The following DCX variants were observed in gnomAD, a reference collection of about 807,000 sequenced individuals.
The protein encoded by DCX is doublecortin.
Under a neutral mutation model 20.9 loss-of-function variants are expected in DCX, and 4 were observed. The observed-to-expected ratio is 0.19, with a 90% CI of 0.09 to 0.44. The LOEUF is 0.44. DCX is among the 20% of genes least tolerant of loss of function. The pLI, the probability that DCX is intolerant of heterozygous loss-of-function variation, is 0.99. For missense variants in DCX, 133 were observed against 296.9 expected (o/e 0.45, Z 4.06); for synonymous variants, 103 against 111.4 (o/e 0.92, Z 0.47).
intron 3 of DCX, among the ~76,000 whole-genome samples, chrX:111,334,645 G>T (rs1921554620): frequency 1.8e-5 from 2 of 112,149 alleles, no homozygotes; most frequent in African/African-American, 6.5e-5. Flanking sequence ...GAGCAATGAA[G>T]CCAAATAAAC....
At chrX:111,354,999 G>A (rs2143056) in intron 3 of DCX, among the ~76,000 whole-genome samples, 1,169 of 112,186 alleles carry the variant, frequency 0.01, 12 homozygotes, top group African/African-American at 0.036. Flanking sequence ...GCAACCCACA[G>A]CACTAAGCGA....
At chrX:111,344,865 A>G (rs189878047) in intron 3 of DCX, among the ~76,000 whole-genome samples, 61 of 112,037 alleles carry the variant, frequency 5.4e-4, no homozygotes, top group African/African-American at 1.9e-3. Flanking sequence ...TACCATTGAC[A>G]TTCTTCACAG....
intron 3 of DCX, among the ~76,000 whole-genome samples, chrX:111,377,484 G>A (rs761858709): frequency 5.2e-4 from 58 of 110,793 alleles, no homozygotes; most frequent in Non-Finnish European, 1.0e-3. Flanking sequence ...TTTGTCTTGG[G>A]GTCTAACGCC....
intron 3 of DCX, among the ~76,000 whole-genome samples, chrX:111,338,874 T>C (rs1045826598): frequency 4.5e-5 from 5 of 111,685 alleles, no homozygotes; most frequent in African/African-American, 1.3e-4. Context: ...CTCAACTCAA[T>C]CCGATCAGGC....
rs2095032057 is a variant in DCX at position 111,300,724 on chromosome X, T to C, written c.*963A>G. The C allele has an allele frequency of 9.1e-6, 1 of 110,111 alleles. No individual in the cohort carries two copies. The highest frequency in any genetic ancestry group is 1.9e-5 in the Non-Finnish European group (1 of 52,737). The allele number at this position is 110,111 out of a possible 1,213,427, so 9.1% of individuals were successfully genotyped here. ...AGAGTTTGCTCCTGAAATACAGACA[T>C]GAATTTTTATAAAAAGGATATTGAT... On this transcript the variant is annotated 3_prime_UTR_variant, in exon 7 of 7. Transcript: ENST00000636035.
At chrX:111,303,921 G>A (rs1486935968) in intron 6 of DCX, among the ~76,000 whole-genome samples, 1 of 111,565 alleles carries the variant, frequency 9.0e-6, no homozygotes, top group Non-Finnish European at 1.9e-5. Context: ...TTATTTGTTT[G>A]GGGTTTGCTC....
chrX:111,387,564 T>C (rs1326451032), intron 3 of DCX, among the ~76,000 whole-genome samples: 1 of 112,105 alleles, frequency 8.9e-6, no homozygotes, highest in Non-Finnish European at 1.9e-5. Context: ...CAAGGCTCCA[T>C]TCTCTTTGCA....
intron 3 of DCX, among the ~76,000 whole-genome samples, chrX:111,386,351 G>C (rs931615614): frequency 9.0e-6 from 1 of 110,545 alleles, no homozygotes; most frequent in African/African-American, 3.3e-5. Flanking sequence ...CTCAGTAACA[G>C]TTATTTCCTC....
At chrX:111,397,820 T>A (rs1200990495) in intron 3 of DCX, among the ~76,000 whole-genome samples, 1 of 110,169 alleles carries the variant, frequency 9.1e-6, no homozygotes, top group South Asian at 3.9e-4. Context: ...TGTGTGTGTA[T>A]ATATACATAC....
chrX:111,341,393 G>A (rs187801397), intron 3 of DCX, among the ~76,000 whole-genome samples: 188 of 110,937 alleles, frequency 1.7e-3, no homozygotes, highest in African/African-American at 5.6e-3. Flanking sequence ...CTGAACCTAC[G>A]ATTGATTGCA....
At chrX:111,359,351 T>C (rs1269148305) in intron 3 of DCX, among the ~76,000 whole-genome samples, 1 of 111,222 alleles carries the variant, frequency 9.0e-6, no homozygotes, top group East Asian at 2.8e-4. Context: ...ATTGCCTATT[T>C]GAAGAAAAGG....
chrX:111,355,925 A>G (rs776985433), intron 3 of DCX, among the ~76,000 whole-genome samples: 1 of 112,009 alleles, frequency 8.9e-6, no homozygotes, highest in East Asian at 2.8e-4. Flanking sequence ...TGACCATTAC[A>G]AACAATACTG....
intron 3 of DCX, among the ~76,000 whole-genome samples, chrX:111,343,100 C>A (rs6642888): frequency 0.38 from 38,969 of 102,427 alleles, 7,319 homozygotes; most frequent in Non-Finnish European, 0.53. Flanking sequence ...CACACAAACT[C>A]CCCCCCACCC....
At chrX:111,326,636 A>G (rs763653875) in intron 5 of DCX, among the ~76,000 whole-genome samples, 15 of 111,924 alleles carry the variant, frequency 1.3e-4, no homozygotes, top group Non-Finnish European at 2.3e-4. Context: ...AGAGTCCATC[A>G]GTTCTGCCCG....
intron 3 of DCX, among the ~76,000 whole-genome samples, chrX:111,392,954 A>G (rs1569496520): frequency 2.7e-5 from 3 of 111,303 alleles, no homozygotes; most frequent in Admixed American, 9.6e-5. Flanking sequence ...GGGCACTGTC[A>G]AGGAACAATA....
chrX:111,410,470 G>A (rs994637651), intron 1 of DCX, 50 bp from the exon 2 acceptor site: 9 of 1,191,165 alleles, frequency 7.6e-6, no homozygotes, highest in Admixed American at 4.4e-5. Context: ...AAACAAAAAG[G>A]GACAAGGAGA....
chrX:111,339,894 C>T (rs1383189835), intron 3 of DCX, among the ~76,000 whole-genome samples: 1 of 112,155 alleles, frequency 8.9e-6, no homozygotes, highest in African/African-American at 3.2e-5. Context: ...TCATTAGGAG[C>T]CACTTTTCTC....
At chrX:111,343,364 T>C (rs1278184518) in intron 3 of DCX, among the ~76,000 whole-genome samples, 70 of 102,290 alleles carry the variant, frequency 6.8e-4, no homozygotes, top group African/African-American at 2.4e-3. Flanking sequence ...CTCCCAAGAC[T>C]AAACCAGGAA....
intron 3 of DCX, among the ~76,000 whole-genome samples, chrX:111,376,904 G>C (rs1385903788): frequency 8.9e-6 from 1 of 112,066 alleles, no homozygotes; most frequent in Non-Finnish European, 1.9e-5. Context: ...TAAAAATACA[G>C]GATGCCCAGT....
Sources: allele counts gnomAD v4.1 joint callset (sites outside exome capture counted in the v4.1 genomes callset), GRCh38; gene constraint gnomAD v4.1.1; transcripts MANE v1.5; gene names NCBI Gene and HGNC (gene_info 2026-07-23, HGNC 2026-07-21).